The following PCYT2 variants were observed in gnomAD, a reference collection of about 807,000 sequenced individuals.
PCYT2 encodes the protein phosphate cytidylyltransferase 2, ethanolamine.
A neutral mutation model predicts 50.0 loss-of-function variants in PCYT2; 33 were observed. That is an observed-to-expected ratio of 0.66 (90% CI 0.50 to 0.88). The LOEUF is 0.88. Ranked by LOEUF, PCYT2 falls within the 40% of genes least tolerant of loss-of-function variation. PCYT2 has a pLI of 0.00. For synonymous variants in PCYT2, 240 were observed against 203.7 expected (o/e 1.18, Z -1.52); for missense variants, 430 against 519.7 (o/e 0.83, Z 1.68).
chr17:81,911,080 G>A, intron 1 of PCYT2, 187 bp downstream of exon 1: 1 of 1,002,050 alleles, frequency 1.0e-6, no homozygotes, highest in Non-Finnish European at 1.2e-6. Flanking sequence ...GTCGCCCACG[G>A]CAGGGCGCGG....
intron 4 of PCYT2, among the ~76,000 whole-genome samples, chr17:81,908,187 AG>A (rs763437823): frequency 3.4e-5 from 5 of 148,720 alleles, no homozygotes; most frequent in Non-Finnish European, 6.0e-5. Flanking sequence ...CTGCCCGCTG[AG>A]CATCTGCAGC....
At chr17:81,911,023 G>A (rs976779715) in intron 1 of PCYT2, 7 of 997,538 alleles carry the variant, frequency 7.0e-6, no homozygotes, top group South Asian at 9.3e-5. Flanking sequence ...TGGCTGCACC[G>A]GAGAGGTCGG....
intron 3 of PCYT2, 78 bp from the exon 4 acceptor site, chr17:81,908,712 C>T (rs552286979): frequency 1.4e-6 from 2 of 1,385,078 alleles, no homozygotes; most frequent in Admixed American, 3.5e-5. Flanking sequence ...CCTCTCGGCC[C>T]CTGGCCTGCC....
chr17:81,908,597 A>G lies in PCYT2; in HGVS notation c.378T>C (p.Tyr126=), dbSNP rs1228990725. Residue 126 remains tyrosine (Y), a synonymous_variant, in exon 4 of 13, where the codon TAT becomes TAC. Transcript: ENST00000538936. ...ITLTVDGRDT[Y]EEVKQAGRYR... The stretch of plus-strand genomic sequence containing the variant: ...ACCTCCCAGCCTGCTTTACTTCCTC[A>G]TAGGTGTCCCGGCCATCTACAGTCA... The G allele has an allele frequency of 2.5e-6, 4 of 1,613,372 alleles. No homozygotes were observed. The highest frequency in any genetic ancestry group is 3.4e-6 in the Non-Finnish European group (4 of 1,179,502).
chr17:81,908,878 C>G lies in PCYT2; in HGVS notation c.338G>C (p.Gly113Ala). 6.2e-7 allele frequency: 1 copy of G among 1,613,262 alleles called. No individual in the cohort carries two copies. Among genetic ancestry groups the G allele is most frequent in the Non-Finnish European group, 8.5e-7 (1 of 1,179,598 alleles). The change falls in exon 3 of 13, where the codon GGC becomes GCC. Residue 113 changes from glycine to alanine, a missense_variant and splice_region_variant. Physicochemically the swap from Gly to Ala is moderately conservative, Grantham distance 60. Transcript: ENST00000538936. ...DKYNCDFCVH[G>A]NDITLTVDGR... The stretch of plus-strand genomic sequence containing the variant: ...CAGGTCCCAGCCCCGCCACTCACTG[C>G]CGTGAACACAGAAGTCACAGTTGTA...
chr17:81,910,890 C>G (rs920456567), intron 1 of PCYT2: 21 of 987,442 alleles, frequency 2.1e-5, no homozygotes, highest in Non-Finnish European at 2.4e-5. Context: ...CAGGTCGCAC[C>G]CGATGCCCAC....
chr17:81,908,440 G>C, intron 4 of PCYT2, 128 bp downstream of exon 4: 1 of 689,464 alleles, frequency 1.5e-6, no homozygotes, highest in African/African-American at 1.8e-5. Flanking sequence ...TCCCAGTCCT[G>C]GGCGTGAGGA....
Position 81,903,038 on chromosome 17 carries a change from C to T in PCYT2, c.*1795G>A, listed in dbSNP as rs888295908. The T allele has an allele frequency of 4.7e-6, 2 of 424,826 alleles. No individual in the cohort carries two copies. Among genetic ancestry groups the T allele is most frequent in the African/African-American group, 2.1e-5 (1 of 48,426 alleles). The allele number at this position is 424,826 out of a possible 1,614,324, so 26.3% of individuals were successfully genotyped here. A position where few individuals can be genotyped will look rare whatever the true frequency, so the allele number is the denominator to read the frequency against. The stretch of plus-strand genomic sequence containing the variant: ...TTGGCCTGGGCCGCCCAGAGGTCTT[C>T]AGACCCAGGGGCGAAGCTGGCCACG... On this transcript the variant is annotated 3_prime_UTR_variant, in exon 13 of 13. Transcript: ENST00000538936.
intron 2 of PCYT2, chr17:81,909,289 CAGT>C (rs2040449178): frequency 2.8e-6 from 4 of 1,429,790 alleles, no homozygotes; most frequent in Non-Finnish European, 3.7e-6. Flanking sequence ...GCCTCGCTGG[CAGT>C]GGTGGGGAGC....
chr17:81,907,781 T>C lies in PCYT2; in HGVS notation c.484A>G (p.Ser162Gly). The C allele has an allele frequency of 6.2e-7, 1 of 1,613,272 alleles. No homozygotes were observed. The highest frequency in any genetic ancestry group is 1.1e-5 in the South Asian group (1 of 91,080). Reference protein sequence around the residue: ...RMLLVTKAHHSSQEMSSEYRE... With the variant: ...RMLLVTKAHHGSQEMSSEYRE... Reference sequence around the variant, plus strand: ...TTCCGCCGCCGACTCACCTGGCTGCTGTGATGGGCTTTGGTTACCAGCAGC... The same window carrying C: ...TTCCGCCGCCGACTCACCTGGCTGCCGTGATGGGCTTTGGTTACCAGCAGC... Residue 162 changes from serine (S) to glycine (G), a missense_variant, in exon 5 of 13, where the codon AGC becomes GGC. Ser to Gly is a moderately conservative substitution (Grantham distance 56). Transcript: ENST00000538936.
At chr17:81,908,667 A>AG in intron 3 of PCYT2, 33 bp from the exon 4 acceptor site, 1 of 1,582,040 alleles carries the variant, frequency 6.3e-7, no homozygotes, top group African/African-American at 1.3e-5. Context: ...AAGGATCCTT[A>AG]ACCCAAAGCC....
At position 81,911,377 on chromosome 17, in the gene PCYT2, AC is replaced by A; in HGVS notation, c.-23del. 2 of 1,033,824 alleles carry A rather than the reference AC, an allele frequency of 1.9e-6. No homozygotes were observed. The highest frequency in any genetic ancestry group is 2.3e-6 in the Non-Finnish European group (2 of 862,796). 64.0% of individuals were successfully genotyped at this position (1,033,824 alleles called of 1,614,324 possible). A position where few individuals can be genotyped will look rare whatever the true frequency, so the allele number is the denominator to read the frequency against. ...TCATGGCCCCGCAGCGGCGGCGCGG[AC>A]AGCCTGGCAGCTCCCGGCGACTCCG... On this transcript the variant is annotated 5_prime_UTR_variant, in exon 1 of 13. Coordinates refer to ENST00000538936, the MANE Select transcript of PCYT2 (RefSeq NM_002861.5).
chr17:81,905,166 G>T lies in PCYT2; in HGVS notation c.970-12C>A. 1 of 1,606,826 alleles carries T rather than the reference G, an allele frequency of 6.2e-7. No individual in the cohort carries two copies. Among genetic ancestry groups the T allele is most frequent in the Non-Finnish European group, 8.5e-7 (1 of 1,175,768 alleles). Reference sequence around the variant, plus strand: ...CTTCTCTTGGGCTCCTGGGGGTCCAGAGAGGAGGAGCGGGATGAAGGTCCC... The same window carrying T: ...CTTCTCTTGGGCTCCTGGGGGTCCATAGAGGAGGAGCGGGATGAAGGTCCC... On this transcript the variant is annotated splice_polypyrimidine_tract_variant and intron_variant, in intron 11 of 12. Transcript: ENST00000538936.
In PCYT2 at chr17:81,902,139, G is replaced by T. The variant is rs1452722909; in HGVS notation, c.*2694C>A. 3 of 787,716 alleles carry T rather than the reference G, an allele frequency of 3.8e-6. No individual in the cohort carries two copies. Among genetic ancestry groups the T allele is most frequent in the Non-Finnish European group, 5.0e-6 (3 of 600,706 alleles). 48.8% of individuals were successfully genotyped at this position (787,716 alleles called of 1,614,324 possible). A position where few individuals can be genotyped will look rare whatever the true frequency, so the allele number is the denominator to read the frequency against. On this transcript the variant is annotated 3_prime_UTR_variant, in exon 13 of 13. Coordinates refer to ENST00000538936, the MANE Select transcript of PCYT2 (RefSeq NM_002861.5). ...GAGGTGCGACGGCTCCTCCGCGCGC[G>T]CCCGCTGCACCCCAGCCCGCCCGCC...
Position 81,902,828 on chromosome 17 carries a change from G to C in PCYT2, c.*2005C>G. 7.5e-7 allele frequency: 1 copy of C among 1,336,576 alleles called. No individual in the cohort carries two copies. The allele number at this position is 1,336,576 out of a possible 1,614,324, so 82.8% of individuals were successfully genotyped here. Reference sequence around the variant, plus strand: ...GTGACCCCAGGCCCCTCCGGCGCGGGATGGCGCCCCAGGTCTCCCCTACTC... The same window carrying C: ...GTGACCCCAGGCCCCTCCGGCGCGGCATGGCGCCCCAGGTCTCCCCTACTC... On this transcript the variant is annotated 3_prime_UTR_variant, in exon 13 of 13. Coordinates refer to ENST00000538936, the MANE Select transcript of PCYT2 (RefSeq NM_002861.5).
chr17:81,911,243 G>C, intron 1 of PCYT2, 24 bp downstream of exon 1: 1 of 1,031,304 alleles, frequency 9.7e-7, no homozygotes, highest in Non-Finnish European at 1.2e-6. Context: ...GCGCCCCCGC[G>C]GCCCGCCCCG....
intron 2 of PCYT2, 63 bp downstream of exon 2, chr17:81,909,451 T>C: frequency 1.3e-6 from 2 of 1,535,444 alleles, no homozygotes; most frequent in African/African-American, 2.7e-5. Flanking sequence ...AGGCTTTCAG[T>C]CAACAGTCGC....
rs1232792995 is a variant in PCYT2 at position 81,911,288 on chromosome 17, A to G, written c.68T>C (p.Val23Ala). 4.1e-5 allele frequency: 46 copies of G among 1,118,538 alleles called. No individual in the cohort carries two copies. The East Asian group carries it at 3.0e-3, about 73-fold the overall frequency. 69.3% of individuals were successfully genotyped at this position (1,118,538 alleles called of 1,614,324 possible). Reference protein sequence around the residue: ...EQPGPGGRRAVRVWCDGCYDM... With the variant: ...EQPGPGGRRAARVWCDGCYDM... ...TCACCAGCCATCGCACCACACCCTC[A>G]CGGCGCGCCTGCCCCCCGGGCCCGG... Residue 23 changes from valine to alanine, a missense_variant, in exon 1 of 13, where the codon GTG (valine) becomes GCG (alanine). Transcript: ENST00000538936.
chr17:81,908,734 G>A (rs111282936), intron 3 of PCYT2, 100 bp from the exon 4 acceptor site: 17,909 of 1,318,142 alleles, frequency 0.014, 205 homozygotes, highest in South Asian at 0.033. Context: ...TAGTGTCCGC[G>A]TGCCCATTTC....
Sources: allele counts gnomAD v4.1 joint callset (sites outside exome capture counted in the v4.1 genomes callset), GRCh38; gene constraint gnomAD v4.1.1; transcripts MANE v1.5; gene names NCBI Gene and HGNC (gene_info 2026-07-23, HGNC 2026-07-21).